The following ANO4 variants were observed in gnomAD, a reference collection of about 807,000 sequenced individuals.
ANO4 encodes anoctamin 4.
Under a neutral mutation model 141.9 loss-of-function variants are expected in ANO4, and 69 were observed. The observed-to-expected ratio is 0.49, with a 90% CI of 0.40 to 0.59. The LOEUF (loss-of-function observed/expected upper bound fraction) is 0.59, where lower values mean the gene tolerates loss of function less well. ANO4 is among the 20% of genes least tolerant of loss of function. ANO4 has a pLI of 0.00. For missense variants in ANO4, 894 were observed against 1,162.2 expected, an observed-to-expected ratio of 0.77 and a Z score of 3.36; for synonymous variants, 350 against 394.3, an observed-to-expected ratio of 0.89 and a Z score of 1.33.
intron 17 of ANO4, among the ~76,000 whole-genome samples, chr12:101,092,586 C>T (rs546826438): frequency 1.3e-5 from 2 of 152,204 alleles, no homozygotes; most frequent in East Asian, 1.9e-4. Context: ...TCTCACAGTC[C>T]ATATCCTTAT....
chr12:100,750,102 A>G (rs1202650879), intron 3 of ANO4, among the ~76,000 whole-genome samples: 8 of 151,928 alleles, frequency 5.3e-5, no homozygotes, highest in Non-Finnish European at 8.8e-5. Flanking sequence ...GGCAAGGGGT[A>G]GTGAGATTCT....
chr12:100,758,089 A>G (rs535446179), intron 3 of ANO4, among the ~76,000 whole-genome samples: 6 of 152,332 alleles, frequency 3.9e-5, no homozygotes, highest in East Asian at 3.9e-4. Context: ...GAGACTGGCA[A>G]TTGAGGGCCA....
intron 1 of ANO4, among the ~76,000 whole-genome samples, chr12:100,891,339 GGTGCATGATTGCTGGATTGT>G (rs2040095083): frequency 6.6e-6 from 1 of 152,194 alleles, no homozygotes; most frequent in Non-Finnish European, 1.5e-5. Flanking sequence ...TAAATACCAA[GGTGCATGATTGCTGGATTGT>G]ATGGTGAGAG....
At chr12:100,781,244 A>G (rs2033701881) in intron 3 of ANO4, among the ~76,000 whole-genome samples, 1 of 152,208 alleles carries the variant, frequency 6.6e-6, no homozygotes, top group Non-Finnish European at 1.5e-5. Flanking sequence ...AATATTGATA[A>G]GAAAGATTTT....
intron 14 of ANO4, among the ~76,000 whole-genome samples, chr12:101,072,805 T>C (rs895258814): frequency 3.3e-5 from 5 of 151,976 alleles, no homozygotes; most frequent in African/African-American, 1.2e-4. Flanking sequence ...AAAGAAGACA[T>C]TTATGCAGCC....
intron 8 of ANO4, among the ~76,000 whole-genome samples, chr12:101,015,855 G>A (rs1195177144): frequency 6.6e-6 from 1 of 152,136 alleles, no homozygotes; most frequent in Non-Finnish European, 1.5e-5. Flanking sequence ...GGGGATGGGG[G>A]ATATGTGTGT....
chr12:101,068,165 T>C, intron 14 of ANO4: 3 of 1,014,196 alleles, frequency 3.0e-6, no homozygotes, highest in African/African-American at 1.6e-5. Flanking sequence ...GGAGTTGACT[T>C]TTAAATAGCC....
upstream of ANO4, among the ~76,000 whole-genome samples, chr12:100,791,023 A>G (rs2034028237): frequency 6.6e-6 from 1 of 152,220 alleles, no homozygotes; most frequent in Non-Finnish European, 1.5e-5. Flanking sequence ...ATACTTTTCT[A>G]GAATATTCTT....
chr12:100,742,412 C>T (rs2031910124), intron 3 of ANO4, among the ~76,000 whole-genome samples: 1 of 152,056 alleles, frequency 6.6e-6, no homozygotes. Flanking sequence ...TTTTATTACT[C>T]ATTTATACTT....
intron 2 of ANO4, among the ~76,000 whole-genome samples, chr12:100,913,917 C>G (rs2041223706): frequency 6.6e-6 from 1 of 152,154 alleles, no homozygotes; most frequent in African/African-American, 2.4e-5. Context: ...TGTATAAAGA[C>G]TTATTCAAGA....
chr12:100,868,331 G>C (rs1377260319), intron 1 of ANO4, among the ~76,000 whole-genome samples: 1 of 152,100 alleles, frequency 6.6e-6, no homozygotes. Context: ...TTACTATGGT[G>C]ACTGCATTAG....
chr12:100,730,203 TA>T (rs1303159865), intron 1 of ANO4, among the ~76,000 whole-genome samples: 1 of 152,196 alleles, frequency 6.6e-6, no homozygotes, highest in Non-Finnish European at 1.5e-5. Context: ...TGATATGTTT[TA>T]AGTCTGAATT....
chr12:101,053,283 A>T (rs1480688341), intron 14 of ANO4, among the ~76,000 whole-genome samples: 2 of 152,238 alleles, frequency 1.3e-5, no homozygotes, highest in Non-Finnish European at 2.9e-5. Context: ...GGAGACATAG[A>T]TAACATTCTT....
chr12:101,099,205 A>G (rs1469120594), intron 21 of ANO4, among the ~76,000 whole-genome samples: 1 of 152,078 alleles, frequency 6.6e-6, no homozygotes, highest in Non-Finnish European at 1.5e-5. Flanking sequence ...ATGTAGCAAG[A>G]CTGCTCAAGG....
chr12:101,092,961 C>T (rs1306450312), intron 17 of ANO4, among the ~76,000 whole-genome samples: 1 of 152,052 alleles, frequency 6.6e-6, no homozygotes, highest in Non-Finnish European at 1.5e-5. Context: ...GTTATAATGC[C>T]TTCGTAATAC....
At chr12:101,108,713 C>T (rs1427952596) in intron 22 of ANO4, among the ~76,000 whole-genome samples, 2 of 151,764 alleles carry the variant, frequency 1.3e-5, no homozygotes, top group Non-Finnish European at 2.9e-5. Flanking sequence ...TCCATGATGC[C>T]CAGTAAATTT....
intron 3 of ANO4, among the ~76,000 whole-genome samples, chr12:100,929,681 A>C (rs773800113): frequency 1.1e-4 from 16 of 151,738 alleles, no homozygotes; most frequent in Non-Finnish European, 2.4e-4. Flanking sequence ...TTTTTCAGGA[A>C]CCTCCAAACT....
At position 100,739,998 on chromosome 12, in the gene ANO4, G is replaced by A. The variant is rs188103003; in HGVS notation, c.251G>A (p.Arg84His). ...CCTGTGTACCACCGATCCTTCACCC[G>A]CAAGACTGACCAGGCCACACCTTTG... The change falls in exon 3 of 30, where the codon CGC becomes CAC. Residue 84 changes from arginine to histidine, a missense_variant. Physicochemically the swap from Arg to His is conservative, Grantham distance 29. Coordinates refer to the ANO4 transcript ENST00000644049. 171 of 702,388 alleles carry A rather than the reference G, an allele frequency of 2.4e-4. No individual in the cohort carries two copies. The African/African-American group carries it at 2.6e-3, about 11-fold the overall frequency. The allele number at this position is 702,388 out of a possible 1,614,324, so 43.5% of individuals were successfully genotyped here.
intron 2 of ANO4, among the ~76,000 whole-genome samples, chr12:100,912,900 G>A (rs2041178060): frequency 6.6e-6 from 1 of 152,190 alleles, no homozygotes; most frequent in South Asian, 2.1e-4. Context: ...TAGTGCTGTG[G>A]TTTAGAAATA....
Sources: allele counts gnomAD v4.1 joint callset (sites outside exome capture counted in the v4.1 genomes callset), GRCh38; gene constraint gnomAD v4.1.1; transcripts MANE v1.5; gene names NCBI Gene and HGNC (gene_info 2026-07-23, HGNC 2026-07-21).